ZBTB20: variants seen among roughly 807,000 people sequenced by gnomAD.
ZBTB20 encodes zinc finger and BTB domain containing 20, also known as zinc finger and BTB domain-containing protein 20.
A neutral mutation model predicts 56.9 loss-of-function variants in ZBTB20; 9 were observed. That is an observed-to-expected ratio of 0.16 (90% CI 0.10 to 0.28). ZBTB20 has a LOEUF of 0.28. Among genes scored for constraint, ZBTB20 ranks in the 10% least tolerant of loss-of-function variants. The probability of loss-of-function intolerance (pLI) is 1.00; values close to 1 mark genes in which losing one functional copy is unlikely to be tolerated. For missense variants in ZBTB20, 655 were observed against 1,003.0 expected, an observed-to-expected ratio of 0.65 and a Z score of 4.69; for synonymous variants, 417 against 420.7, an observed-to-expected ratio of 0.99 and a Z score of 0.11.
intron 6 of ZBTB20, among the ~76,000 whole-genome samples, chr3:114,659,036 A>ATCTC: frequency 6.6e-6 from 1 of 152,308 alleles, no homozygotes; most frequent in South Asian, 2.1e-4. Flanking sequence ...CATCCAGGTT[A>ATCTC]TCTCGTCAAC....
At chr3:115,081,637 T>C (rs1353777483) in intron 1 of ZBTB20, among the ~76,000 whole-genome samples, 2 of 150,820 alleles carry the variant, frequency 1.3e-5, no homozygotes, top group Admixed American at 6.8e-5. Flanking sequence ...AAATTTGTTG[T>C]GGAGAAGGAC....
chr3:115,024,781 G>A (rs1316392264), intron 2 of ZBTB20, among the ~76,000 whole-genome samples: 1 of 150,930 alleles, frequency 6.6e-6, no homozygotes, highest in East Asian at 2.0e-4. Context: ...CCTTTTAGAT[G>A]CCCTAACACT....
At chr3:114,945,466 C>T (rs1268999751) in intron 3 of ZBTB20, among the ~76,000 whole-genome samples, 1 of 144,348 alleles carries the variant, frequency 6.9e-6, no homozygotes, top group Non-Finnish European at 1.5e-5. Context: ...GAGAGAGGGA[C>T]AAATATAATT....
chr3:114,797,535 A>G (rs1477899699), intron 5 of ZBTB20, among the ~76,000 whole-genome samples: 1 of 151,982 alleles, frequency 6.6e-6, no homozygotes, highest in Non-Finnish European at 1.5e-5. Context: ...TTTTGTCTAT[A>G]AGAAAGATGC....
chr3:114,983,077 C>T (rs2108098315), intron 2 of ZBTB20, among the ~76,000 whole-genome samples: 1 of 152,042 alleles, frequency 6.6e-6, no homozygotes, highest in Admixed American at 6.6e-5. Flanking sequence ...CAAATTCCTC[C>T]ATAATCTAGT....
intron 4 of ZBTB20, among the ~76,000 whole-genome samples, chr3:114,846,385 C>G (rs946791220): frequency 7.9e-5 from 12 of 152,148 alleles, no homozygotes; most frequent in Admixed American, 7.2e-4. Flanking sequence ...GCTGAAAACT[C>G]GAGAGCATAG....
intron 6 of ZBTB20, among the ~76,000 whole-genome samples, chr3:114,540,076 C>A (rs1350423748): frequency 1.3e-5 from 2 of 152,132 alleles, no homozygotes; most frequent in East Asian, 3.9e-4. Flanking sequence ...ACTCCATGCT[C>A]CGAAAGGCCC....
chr3:114,526,959 A>C (rs1005280076), intron 6 of ZBTB20, among the ~76,000 whole-genome samples: 2 of 152,148 alleles, frequency 1.3e-5, no homozygotes, highest in African/African-American at 2.4e-5. Flanking sequence ...TAATGGAAGA[A>C]GACTTACTTT....
intron 6 of ZBTB20, among the ~76,000 whole-genome samples, chr3:114,589,803 G>A (rs2055556891): frequency 6.6e-6 from 1 of 152,164 alleles, no homozygotes; most frequent in African/African-American, 2.4e-5. Flanking sequence ...GTGCTTGTAA[G>A]TATAAAGACC....
At chr3:114,843,524 A>AAT (rs2074488784) in intron 4 of ZBTB20, among the ~76,000 whole-genome samples, 1 of 152,170 alleles carries the variant, frequency 6.6e-6, no homozygotes, top group Non-Finnish European at 1.5e-5. Flanking sequence ...TTCTACCTTG[A>AAT]ATATATATAC....
intron 6 of ZBTB20, among the ~76,000 whole-genome samples, chr3:114,671,708 G>A (rs2061370397): frequency 6.6e-6 from 1 of 151,872 alleles, no homozygotes; most frequent in Non-Finnish European, 1.5e-5. Flanking sequence ...AAATTCAGAG[G>A]CAGAAGATAA....
intron 5 of ZBTB20, among the ~76,000 whole-genome samples, chr3:114,754,728 G>A (rs1392114037): frequency 6.6e-6 from 1 of 152,008 alleles, no homozygotes. Flanking sequence ...ATAAATGATA[G>A]CTTAAAAATT....
Position 114,778,788 on chromosome 3 carries a change from A to C in ZBTB20, c.-343+22313T>G, listed in dbSNP as rs892540410. Among the ~76,000 whole-genome samples the C allele has an allele frequency of 2.0e-5, 3 of 152,322 alleles. No individual in the cohort carries two copies. In the East Asian group the frequency reaches 5.8e-4, roughly 29 times the overall value. On this transcript the variant is annotated intron_variant, in intron 5 of 11. Transcript: ENST00000675478. ...ATGACAGAACATGTAAAAGATGGAC[A>C]GAGTCATTTATTTTTTGCTACTTTC...
At chr3:114,733,701 AG>A (rs973413787) in intron 5 of ZBTB20, among the ~76,000 whole-genome samples, 3 of 152,186 alleles carry the variant, frequency 2.0e-5, no homozygotes, top group African/African-American at 7.2e-5. Flanking sequence ...GTATATATGT[AG>A]GGTAAACATG....
At chr3:114,501,656 A>G (rs1274510860) in intron 6 of ZBTB20, among the ~76,000 whole-genome samples, 1 of 150,720 alleles carries the variant, frequency 6.6e-6, no homozygotes, top group Non-Finnish European at 1.5e-5. Context: ...CAAAAAAAAA[A>G]AAAACTATTA....
At chr3:114,570,982 T>C (rs1370854598) in intron 6 of ZBTB20, among the ~76,000 whole-genome samples, 1 of 152,204 alleles carries the variant, frequency 6.6e-6, no homozygotes, top group East Asian at 1.9e-4. Context: ...TGTGCTGTTT[T>C]TCATTTTCTT....
At chr3:114,467,181 A>C (rs985193418) in intron 7 of ZBTB20, among the ~76,000 whole-genome samples, 2 of 152,192 alleles carry the variant, frequency 1.3e-5, no homozygotes, top group African/African-American at 4.8e-5. Context: ...AAACATGTGG[A>C]AATGTCCATT....
At chr3:114,873,912 G>T (rs1044390024) in intron 4 of ZBTB20, 2 of 152,092 alleles carry the variant, frequency 1.3e-5, no homozygotes, top group South Asian at 4.1e-4. Flanking sequence ...ATTGTTCCAG[G>T]TTAAAGAAAT....
At chr3:115,024,240 T>C (rs2080321844) in intron 2 of ZBTB20, among the ~76,000 whole-genome samples, 2 of 151,024 alleles carry the variant, frequency 1.3e-5, no homozygotes, top group South Asian at 4.1e-4. Flanking sequence ...CCAATAAATA[T>C]TTACTGAATC....
Sources: allele counts gnomAD v4.1 joint callset (sites outside exome capture counted in the v4.1 genomes callset), GRCh38; gene constraint gnomAD v4.1.1; transcripts MANE v1.5; gene names NCBI Gene and HGNC (gene_info 2026-07-23, HGNC 2026-07-21).